Variants in ZNF469 observed in about 807,000 individuals in gnomAD.
ZNF469 encodes the protein zinc finger protein 469.
In ZNF469, 1 loss-of-function variant was observed where a neutral mutation model predicts 1.0. The ratio of observed to expected loss-of-function variants is 1.00; its 90% CI spans 0.35 to 4.73. ZNF469 has a LOEUF of 4.73. Ranked by LOEUF, ZNF469 falls within the 30% of genes most tolerant of loss-of-function variation. The pLI is 0.16. For synonymous variants in ZNF469, 2,703 were observed against 2,363.4 expected, an observed-to-expected ratio of 1.14 and a Z score of -4.17; for missense variants, 6,100 against 5,356.3, an observed-to-expected ratio of 1.14 and a Z score of -4.33.
the ZNF469 span, among the ~76,000 whole-genome samples, chr16:88,134,300 A>C: frequency 6.6e-6 from 1 of 152,144 alleles, no homozygotes; most frequent in Non-Finnish European, 1.5e-5. Flanking sequence ...TCATGGCTGC[A>C]CGGTGCACTG....
At chr16:88,114,630 C>T in the ZNF469 span, among the ~76,000 whole-genome samples, 1 of 152,242 alleles carries the variant, frequency 6.6e-6, no homozygotes. Flanking sequence ...TCCGTGCCTC[C>T]AGCTTCTGCA....
chr16:88,260,163 T>G, the ZNF469 span, among the ~76,000 whole-genome samples: 2 of 144,912 alleles, frequency 1.4e-5, no homozygotes, highest in Non-Finnish European at 3.0e-5. The surrounding 1 kb of genome is among the most constrained non-coding windows in gnomAD (Gnocchi z 4.1). Context: ...TTTTTTTTTG[T>G]ATTTTAGTAG....
chr16:88,160,657 G>A, the ZNF469 span, among the ~76,000 whole-genome samples: 1,951 of 152,296 alleles, frequency 0.013, 20 homozygotes, highest in Non-Finnish European at 0.022. Context: ...CAGAACAAGG[G>A]GTTGGGGCAC....
chr16:88,284,499 T>C, the ZNF469 span, among the ~76,000 whole-genome samples: 11 of 151,058 alleles, frequency 7.3e-5, no homozygotes, highest in Middle Eastern at 6.9e-3. Context: ...TAATCCCAGC[T>C]ACTTGGGAGG....
the ZNF469 span, among the ~76,000 whole-genome samples, chr16:88,350,283 C>T: frequency 6.6e-6 from 1 of 152,246 alleles, no homozygotes; most frequent in African/African-American, 2.4e-5. Flanking sequence ...CCCCCCCGTC[C>T]GCTCCCCTCC....
upstream of ZNF469, among the ~76,000 whole-genome samples, chr16:88,381,878 G>T (rs980573832): frequency 1.3e-5 from 2 of 152,238 alleles, no homozygotes; most frequent in African/African-American, 4.8e-5. Flanking sequence ...GGAGGGGCAG[G>T]CCCACTCATT....
At chr16:88,370,604 C>T in the ZNF469 span, among the ~76,000 whole-genome samples, 9 of 152,162 alleles carry the variant, frequency 5.9e-5, no homozygotes, top group Admixed American at 3.9e-4. Flanking sequence ...ACGTGTGTCA[C>T]ATGTTTGTGT....
the ZNF469 span, among the ~76,000 whole-genome samples, chr16:88,375,755 A>G: frequency 6.6e-6 from 1 of 152,376 alleles, no homozygotes; most frequent in South Asian, 2.1e-4. Context: ...ATGCTGAGCC[A>G]CACGGCCAGC....
chr16:88,234,588 G>C, the ZNF469 span, among the ~76,000 whole-genome samples: 1 of 152,224 alleles, frequency 6.6e-6, no homozygotes, highest in Admixed American at 6.5e-5. Flanking sequence ...TCATCCACCA[G>C]GGGTGCCTGA....
the ZNF469 span, among the ~76,000 whole-genome samples, chr16:88,137,132 A>G: frequency 6.6e-6 from 1 of 152,224 alleles, no homozygotes; most frequent in South Asian, 2.1e-4. Flanking sequence ...ATGTGCACAT[A>G]CAACCGTGCA....
chr16:88,307,048 C>G, the ZNF469 span, among the ~76,000 whole-genome samples: 2 of 152,210 alleles, frequency 1.3e-5, no homozygotes, highest in Non-Finnish European at 2.9e-5. Context: ...AATCCACTTC[C>G]TGCCTCCAAG....
intron 1 of ZNF469, among the ~76,000 whole-genome samples, chr16:88,386,129 C>T (rs928232076): frequency 4.6e-5 from 7 of 152,144 alleles, no homozygotes; most frequent in South Asian, 2.1e-4. Context: ...ATCTTCCCAG[C>T]GCCTTCCCCA....
At chr16:88,369,060 C>G in the ZNF469 span, among the ~76,000 whole-genome samples, 9 of 150,012 alleles carry the variant, frequency 6.0e-5, no homozygotes, top group Non-Finnish European at 1.0e-4. Context: ...TTCTGGGCAA[C>G]AGAGTGAGAT....
the ZNF469 span, among the ~76,000 whole-genome samples, chr16:88,192,921 GAT>G: frequency 2.7e-5 from 4 of 150,596 alleles, no homozygotes; most frequent in African/African-American, 7.3e-5. Flanking sequence ...AGGTGATGGT[GAT>G]GATGGTGATA....
chr16:88,383,511 G>T (rs990445083), intron 1 of ZNF469, among the ~76,000 whole-genome samples: 1 of 149,432 alleles, frequency 6.7e-6, no homozygotes, highest in African/African-American at 2.4e-5. Flanking sequence ...AGCCTTGCCC[G>T]GAGCGGAGCG....
At chr16:88,271,692 C>T in the ZNF469 span, among the ~76,000 whole-genome samples, 1 of 150,688 alleles carries the variant, frequency 6.6e-6, no homozygotes, top group Non-Finnish European at 1.5e-5. Context: ...GCTGAGTCAC[C>T]ACAGCAGGCA....
the ZNF469 span, among the ~76,000 whole-genome samples, chr16:88,221,731 G>A: frequency 6.6e-6 from 1 of 152,210 alleles, no homozygotes; most frequent in African/African-American, 2.4e-5. Flanking sequence ...CAGCGGCCAG[G>A]AGTCCTAAGG....
chr16:88,312,473 C>G, the ZNF469 span, among the ~76,000 whole-genome samples: 14 of 152,168 alleles, frequency 9.2e-5, no homozygotes, highest in Non-Finnish European at 1.5e-4. Context: ...AATTTCTCCC[C>G]AATTCTTCAC....
chr16:88,339,015 T>C, the ZNF469 span, among the ~76,000 whole-genome samples: 2 of 151,674 alleles, frequency 1.3e-5, no homozygotes, highest in Admixed American at 1.3e-4. Flanking sequence ...GTGCGTTCAC[T>C]GCACAGCAGG....
Sources: allele counts gnomAD v4.1 joint callset (sites outside exome capture counted in the v4.1 genomes callset), GRCh38; gene constraint gnomAD v4.1.1; non-coding constraint Gnocchi (gnomAD v3.1); transcripts MANE v1.5; gene names NCBI Gene and HGNC (gene_info 2026-07-23, HGNC 2026-07-21).